MTERF2: variants seen among roughly 807,000 people sequenced by gnomAD.
MTERF2 encodes transcription termination factor 2, mitochondrial.
In MTERF2, 23 loss-of-function variants were observed where a neutral mutation model predicts 29.2. The observed-to-expected ratio is 0.79, with a 90% CI of 0.57 to 1.12. The LOEUF (loss-of-function observed/expected upper bound fraction) is 1.12, where lower values mean the gene tolerates loss of function less well. MTERF2 is among the 50% of genes most tolerant of loss of function. The probability of loss-of-function intolerance (pLI) is 0.00; values close to 1 mark genes in which losing one functional copy is unlikely to be tolerated. For synonymous variants in MTERF2, 157 were observed against 159.5 expected (o/e 0.98, Z 0.12); for missense variants, 440 against 429.4 (o/e 1.02, Z -0.22).
intron 2 of MTERF2, among the ~76,000 whole-genome samples, chr12:106,984,248 C>G (rs971390602): frequency 9.2e-5 from 14 of 152,144 alleles, no homozygotes; most frequent in African/African-American, 3.4e-4. Context: ...TCTTCCTGTC[C>G]TTGCCCAAAC....
intron 2 of MTERF2, among the ~76,000 whole-genome samples, chr12:106,979,027 AC>A: frequency 6.6e-6 from 1 of 151,838 alleles, no homozygotes; most frequent in Non-Finnish European, 1.5e-5. Context: ...AAAAAAAAAA[AC>A]CTCCTAAATA....
rs765906856 is a variant in MTERF2 at position 106,977,764 on chromosome 12, T to C, written c.951A>G (p.Arg317=). 4 of 1,614,024 alleles carry C rather than the reference T, an allele frequency of 2.5e-6. No homozygotes were observed. The highest frequency in any genetic ancestry group is 3.4e-6 in the Non-Finnish European group (4 of 1,180,000). The part of the protein sequence containing the change: ...LREGISIAQI[R]ETPMVLELTP... ...TTAATTCAAGAACCATTGGCGTCTCTCTTATCTGAGCTATGGAAATTCCTT... is the reference window on the plus strand; with the variant it reads ...TTAATTCAAGAACCATTGGCGTCTCCCTTATCTGAGCTATGGAAATTCCTT... Residue 317 remains arginine, a synonymous_variant, in exon 3 of 3, where the codon AGA becomes AGG. Transcript: ENST00000240050.
chr12:106,978,472 C>T lies in MTERF2; in HGVS notation c.243G>A (p.Ala81=), dbSNP rs776819587. ...LEDETYVEEI[A]NILQELGADE... is the part of the protein sequence containing the mutation. ...CGGCACCTAGTTCTTGTAAAATATT[C>T]GCAATTTCTTCAACATAGGTTTCAT... The change falls in exon 3 of 3, where the codon GCG becomes GCA. Residue 81 remains alanine, a synonymous_variant. Transcript: ENST00000240050. 3.7e-6 allele frequency: 6 copies of T among 1,614,066 alleles called. No individual in the cohort carries two copies. The highest frequency in any genetic ancestry group is 1.3e-5 in the African/African-American group (1 of 74,910).
intron 2 of MTERF2, among the ~76,000 whole-genome samples, chr12:106,983,839 C>T (rs1463805604): frequency 1.3e-5 from 2 of 152,216 alleles, no homozygotes; most frequent in Non-Finnish European, 2.9e-5. Flanking sequence ...CCAAGAGGCT[C>T]ATTTCTGGTC....
Position 106,978,068 on chromosome 12 carries a change from T to G in MTERF2, c.647A>C (p.Asn216Thr), listed in dbSNP as rs2136789059. Residue 216 changes from asparagine to threonine, a missense_variant, in exon 3 of 3, where the codon AAC (asparagine) becomes ACC (threonine). Transcript: ENST00000240050. ...KVWLLKLLSQ[N>T]PFILLNSPTA... ...GGGAGAATTTAACAAAATAAATGGGTTTTGGCTTAACAATTTTAGTAGCCA... is the reference window on the plus strand; with the variant it reads ...GGGAGAATTTAACAAAATAAATGGGGTTTGGCTTAACAATTTTAGTAGCCA... 1.2e-6 allele frequency: 2 copies of G among 1,614,052 alleles called. No homozygotes were observed. Among genetic ancestry groups the G allele is most frequent in the African/African-American group, 1.3e-5 (1 of 75,040 alleles).
chr12:106,977,878 A>G lies in MTERF2; in HGVS notation c.837T>C (p.His279=). 6.2e-7 allele frequency: 1 copy of G among 1,614,040 alleles called. No homozygotes were observed. The highest frequency in any genetic ancestry group is 8.5e-7 in the Non-Finnish European group (1 of 1,180,010). ...FSKNAFKCTD[H]DLKQLVLKCP... ...ATTTCAAAACTAATTGCTTCAGGTC[A>G]TGATCTGTGCATTTAAAAGCATTTT... Residue 279 remains histidine (H), a synonymous_variant, in exon 3 of 3, where the codon CAT becomes CAC. Coordinates refer to ENST00000240050, the MANE Select transcript of MTERF2 (RefSeq NM_001033050.3).
intron 2 of MTERF2, among the ~76,000 whole-genome samples, chr12:106,980,070 A>G (rs1337518702): frequency 6.6e-6 from 1 of 151,818 alleles, no homozygotes; most frequent in Non-Finnish European, 1.5e-5. Context: ...GCTAATTTTT[A>G]TATTTTTAGT....
intron 1 of MTERF2, chr12:106,985,892 T>C (rs1457011487): frequency 6.6e-6 from 1 of 152,248 alleles, no homozygotes; most frequent in Non-Finnish European, 1.5e-5. Flanking sequence ...ACACCTCTGT[T>C]TGGATCACAG....
chr12:106,979,853 A>AT (rs1170593252), intron 2 of MTERF2, among the ~76,000 whole-genome samples: 1 of 152,214 alleles, frequency 6.6e-6, no homozygotes, highest in African/African-American at 2.4e-5. Context: ...GGACCCGAGA[A>AT]TTAGACATAA....
intron 2 of MTERF2, among the ~76,000 whole-genome samples, chr12:106,981,285 T>C (rs1458504862): frequency 6.6e-6 from 1 of 152,146 alleles, no homozygotes; most frequent in Non-Finnish European, 1.5e-5. Context: ...CGCCTCACAC[T>C]AACTATTCAA....
In MTERF2 at chr12:106,981,694, TAC is replaced by T. The variant is rs370769688; in HGVS notation, c.-57-2925_-57-2924del. ...AGCCACCACACCTGGCTAATTTTTG[TAC>T]TTTTTGTAGAGACAGGGTTTTGCCA... On this transcript the variant is annotated intron_variant, in intron 2 of 2. Coordinates refer to ENST00000240050, the MANE Select transcript of MTERF2 (RefSeq NM_001033050.3). Among the ~76,000 whole-genome samples the T allele has an allele frequency of 7.5e-3, 1,134 of 152,136 alleles. 5 individuals are homozygous for T. The highest frequency in any genetic ancestry group is 0.013 in the Non-Finnish European group (893 of 67,996).
rs1013845146 is a variant in MTERF2 at position 106,977,301 on chromosome 12, T to C, written c.*256A>G. ...ATTCACTTATAAAGTATCACACTGA[T>C]ATGCCATTTAATAGTATATGAGTTT... On this transcript the variant is annotated 3_prime_UTR_variant, in exon 3 of 3. Coordinates refer to ENST00000240050, the MANE Select transcript of MTERF2 (RefSeq NM_001033050.3). 13 of 315,346 alleles carry C rather than the reference T, an allele frequency of 4.1e-5. No individual in the cohort carries two copies. The East Asian group carries it at 7.8e-4, about 19-fold the overall frequency. The allele number at this position is 315,346 out of a possible 1,614,324, so 19.5% of individuals were successfully genotyped here. A position where few individuals can be genotyped will look rare whatever the true frequency, so the allele number is the denominator to read the frequency against.
At chr12:106,986,830 C>T (rs996219297) in intron 1 of MTERF2, 139 bp downstream of exon 1, 2 of 152,280 alleles carry the variant, frequency 1.3e-5, no homozygotes, top group Non-Finnish European at 2.9e-5. Context: ...CGCACATTCA[C>T]TGTGGGGCCT....
At chr12:106,983,191 A>G (rs1344156668) in intron 2 of MTERF2, among the ~76,000 whole-genome samples, 1 of 152,194 alleles carries the variant, frequency 6.6e-6, no homozygotes, top group Non-Finnish European at 1.5e-5. Context: ...AAAATTTACC[A>G]TTTAAACCAT....
rs534044417 is a variant in MTERF2, at chr12:106,979,074, G to A, written c.-57-303C>T. 4.4e-4 allele frequency among the ~76,000 whole-genome samples: 66 copies of A among 151,186 alleles called. 1 individual carries two copies. The highest frequency in any genetic ancestry group is 3.5e-3 in the Middle Eastern group (1 of 286). On this transcript the variant is annotated intron_variant, in intron 2 of 2. Transcript: ENST00000240050. ...TTGTAATACACTTCTCCACAACTTC[G>A]ATATCTTATACTTTGTAAATACACT... is the stretch of plus-strand genomic sequence containing the variant.
At chr12:106,980,113 GTC>G (rs902536811) in intron 2 of MTERF2, among the ~76,000 whole-genome samples, 1 of 152,080 alleles carries the variant, frequency 6.6e-6, no homozygotes, top group African/African-American at 2.4e-5. Flanking sequence ...GGCCAGGATG[GTC>G]TCGATCTCTT....
At chr12:106,985,724 C>A (rs938426313) in intron 1 of MTERF2, 4 of 152,268 alleles carry the variant, frequency 2.6e-5, no homozygotes, top group African/African-American at 9.6e-5. Flanking sequence ...TCTGTGTGCT[C>A]TTCCACAGCA....
In MTERF2 at chr12:106,977,812, C is replaced by T; in HGVS notation, c.903G>A (p.Glu301=). 1.9e-6 allele frequency: 3 copies of T among 1,613,962 alleles called. No homozygotes were observed. Among genetic ancestry groups the T allele is most frequent in the Non-Finnish European group, 2.5e-6 (3 of 1,180,006 alleles). ...LLYYSVPVLE[E]RMQGLLREGI... is the part of the protein sequence containing the mutation. ...CTTCTCTCAATAATCCTTGCATTCT[C>T]TCTTCTAAAACTGGAACAGAATAAT... The change falls in exon 3 of 3, where the codon GAG becomes GAA. Residue 301 remains glutamate, a synonymous_variant. Transcript: ENST00000240050.
chr12:106,986,014 A>G (rs899919180), intron 1 of MTERF2: 1 of 152,240 alleles, frequency 6.6e-6, no homozygotes, highest in African/African-American at 2.4e-5. Context: ...CAGCCCGGCC[A>G]TGAATGACCT....
Sources: gnomAD v4.1 joint callset for allele counts (sites outside exome capture counted in the v4.1 genomes callset) on GRCh38, gnomAD v4.1.1 for gene constraint, MANE v1.5 for transcripts, NCBI Gene and HGNC (gene_info 2026-07-23, HGNC 2026-07-21) for gene names.